C21orf58: variants seen among roughly 807,000 people sequenced by gnomAD.
C21orf58 encodes uncharacterized protein C21orf58.
Under a neutral mutation model 35.8 loss-of-function variants are expected in C21orf58, and 34 were observed. That is an observed-to-expected ratio of 0.95 (90% CI 0.72 to 1.26). C21orf58 has a LOEUF of 1.26. Ranked by LOEUF, C21orf58 falls within the 50% of genes most tolerant of loss-of-function variation. The pLI, the probability that C21orf58 is intolerant of heterozygous loss-of-function variation, is 0.00. For synonymous variants in C21orf58, 191 were observed against 175.8 expected, an observed-to-expected ratio of 1.09 and a Z score of -0.68; for missense variants, 440 against 414.3, an observed-to-expected ratio of 1.06 and a Z score of -0.54.
chr21:46,308,189 G>A (rs2082509223), intron 6 of C21orf58, among the ~76,000 whole-genome samples: 1 of 152,022 alleles, frequency 6.6e-6, no homozygotes, highest in Admixed American at 6.6e-5. Flanking sequence ...CTGCCCAGGC[G>A]CGGTGGCTCA....
chr21:46,314,376 C>A (rs2082877441), intron 5 of C21orf58, among the ~76,000 whole-genome samples: 1 of 152,190 alleles, frequency 6.6e-6, no homozygotes, highest in Non-Finnish European at 1.5e-5. Context: ...CCGCACCCGG[C>A]CAGTGATAAA....
chr21:46,313,019 T>C, intron 5 of C21orf58: 6 of 985,468 alleles, frequency 6.1e-6, no homozygotes, highest in Non-Finnish European at 7.2e-6. Flanking sequence ...TGAGGCTGCC[T>C]GGCCTTGTCC....
At position 46,301,705 on chromosome 21, in the gene C21orf58, G is replaced by C. The variant is rs558400929; in HGVS notation, c.*294C>G. 24 of 1,168,620 alleles carry C rather than the reference G, an allele frequency of 2.1e-5. No homozygotes were observed. The highest frequency in any genetic ancestry group is 2.2e-5 in the Non-Finnish European group (21 of 947,608). The allele number at this position is 1,168,620 out of a possible 1,614,324, so 72.4% of individuals were successfully genotyped here. The stretch of plus-strand genomic sequence containing the variant: ...GGGATCTGAGGCTCCCAGGTGGGCC[G>C]GCGCCGCCCTACAGGAAAGGAGGGG... On this transcript the variant is annotated 3_prime_UTR_variant, in exon 8 of 8. Coordinates refer to ENST00000291691, the MANE Select transcript of C21orf58 (RefSeq NM_058180.5).
intron 5 of C21orf58, among the ~76,000 whole-genome samples, chr21:46,313,849 CT>C (rs2082850805): frequency 1.3e-5 from 2 of 152,274 alleles, no homozygotes; most frequent in Admixed American, 1.3e-4. Context: ...GCTGCCCTGT[CT>C]AGAAATTCCC....
rs777604862 is a variant in C21orf58 at position 46,318,029 on chromosome 21, G to A, written c.292C>T (p.Leu98=). 1.2e-6 allele frequency: 2 copies of A among 1,613,440 alleles called. No homozygotes were observed. The highest frequency in any genetic ancestry group is 3.3e-5 in the Admixed American group (2 of 60,016). The change falls in exon 2 of 8, where the codon CTG becomes TTG. Residue 98 remains leucine, a synonymous_variant. Coordinates refer to ENST00000291691, the MANE Select transcript of C21orf58 (RefSeq NM_058180.5). ...TGCCTCACCTGTCCCAAGAGCTTCAGCGTCAGTCGGGTCACTTGCTCTGCT... is the reference window on the plus strand; with the variant it reads ...TGCCTCACCTGTCCCAAGAGCTTCAACGTCAGTCGGGTCACTTGCTCTGCT... ...SAAEQVTRLT[L]KLLGQKLEQE...
chr21:46,322,504 C>A, intron 1 of C21orf58, 135 bp downstream of exon 1: 4 of 1,282,476 alleles, frequency 3.1e-6, no homozygotes, highest in African/African-American at 1.5e-5. Flanking sequence ...AAGTGTGATC[C>A]TGTGGGTGCA....
intron 1 of C21orf58, chr21:46,319,001 G>T: frequency 3.5e-6 from 1 of 282,692 alleles, no homozygotes; most frequent in Non-Finnish European, 5.3e-6. Flanking sequence ...CCTCCTCGGT[G>T]CAGCTAACCC....
At chr21:46,307,614 T>G (rs1227583998) in intron 6 of C21orf58, among the ~76,000 whole-genome samples, 1 of 152,158 alleles carries the variant, frequency 6.6e-6, no homozygotes, top group Non-Finnish European at 1.5e-5. Context: ...TGGATCACAA[T>G]AGGAAAGGTA....
intron 1 of C21orf58, chr21:46,318,459 G>A (rs1357313789): frequency 7.1e-7 from 1 of 1,405,444 alleles, no homozygotes; most frequent in South Asian, 1.5e-5. Flanking sequence ...CAGAGGGGCA[G>A]AACCCTCAGA....
rs2082110973 is a variant in C21orf58, at chr21:46,301,620, C to A, written c.*379G>T. 9.7e-7 allele frequency: 1 copy of A among 1,035,400 alleles called. No individual in the cohort carries two copies. Among genetic ancestry groups the A allele is most frequent in the Non-Finnish European group, 1.2e-6 (1 of 863,138 alleles). The allele number at this position is 1,035,400 out of a possible 1,614,324, so 64.1% of individuals were successfully genotyped here. On this transcript the variant is annotated 3_prime_UTR_variant, in exon 8 of 8. Coordinates refer to ENST00000291691, the MANE Select transcript of C21orf58 (RefSeq NM_058180.5). ...TTCTTAAACTCTTTCTGGATGAAAT[C>A]TTTATTTCATCAGGCTGGTGGCGTC...
At chr21:46,314,950 A>G (rs2146077132) in intron 4 of C21orf58, 70 bp from the exon 5 acceptor site, 1 of 1,550,322 alleles carries the variant, frequency 6.5e-7, no homozygotes, top group Non-Finnish European at 8.7e-7. Flanking sequence ...CACCCCCAGC[A>G]TCAGGCTCAG....
At position 46,323,841 on chromosome 21, in the gene C21orf58, C is replaced by T; in HGVS notation, c.-1103G>A. 1 of 366,768 alleles carries T rather than the reference C, an allele frequency of 2.7e-6. No homozygotes were observed. Among genetic ancestry groups the T allele is most frequent in the Admixed American group, 3.9e-5 (1 of 25,536 alleles). The allele number at this position is 366,768 out of a possible 1,614,324, so 22.7% of individuals were successfully genotyped here. On this transcript the variant is annotated 5_prime_UTR_variant, in exon 1 of 8. Coordinates refer to ENST00000291691, the MANE Select transcript of C21orf58 (RefSeq NM_058180.5). Reference sequence around the variant, plus strand: ...TGGTGGACACAAAGCCCAGGGGCCGCCCGCGCGGGACCAGCAGCGCGAACT... The same window carrying T: ...TGGTGGACACAAAGCCCAGGGGCCGTCCGCGCGGGACCAGCAGCGCGAACT...
intron 1 of C21orf58, among the ~76,000 whole-genome samples, chr21:46,321,180 T>TATATATA (rs537931767): frequency 6.6e-6 from 1 of 151,846 alleles, no homozygotes; most frequent in Non-Finnish European, 1.5e-5. Context: ...ATATATATAT[T>TATATATA]TTTTTTGAGA....
chr21:46,304,153 A>G (rs2082311919), intron 6 of C21orf58, among the ~76,000 whole-genome samples: 1 of 145,408 alleles, frequency 6.9e-6, no homozygotes, highest in African/African-American at 2.6e-5. Context: ...TAGCCTCCTG[A>G]GTAGCTGGGA....
chr21:46,315,186 T>C (rs1038854868), intron 4 of C21orf58: 48 of 632,052 alleles, frequency 7.6e-5, no homozygotes, highest in African/African-American at 6.3e-4. Flanking sequence ...CCACCTCCCC[T>C]GCATCTCTGC....
At position 46,311,530 on chromosome 21, in the gene C21orf58, G is replaced by A; in HGVS notation, c.647C>T (p.Pro216Leu). ...QPPATIIQQL[P>L]QQPLIAQIPP... is the part of the protein sequence containing the mutation. The stretch of plus-strand genomic sequence containing the variant: ...AATCTGTGCTATGAGTGGCTGCTGA[G>A]GGAGCTGCTGAATGATGGTGGCAGG... The change falls in exon 6 of 8, where the codon CCT becomes CTT. Residue 216 changes from proline (P) to leucine (L), a missense_variant. Coordinates refer to ENST00000291691, the MANE Select transcript of C21orf58 (RefSeq NM_058180.5). The A allele has an allele frequency of 4.3e-6, 7 of 1,612,142 alleles. No homozygotes were observed. The highest frequency in any genetic ancestry group is 5.9e-6 in the Non-Finnish European group (7 of 1,179,202).
Position 46,322,696 on chromosome 21 carries a change from A to G in C21orf58, c.43T>C (p.Trp15Arg), listed in dbSNP as rs745691080. 6.3e-7 allele frequency: 1 copy of G among 1,579,968 alleles called. No homozygotes were observed. The highest frequency in any genetic ancestry group is 8.6e-7 in the Non-Finnish European group (1 of 1,162,308). Residue 15 changes from tryptophan (W) to arginine (R), a missense_variant, in exon 1 of 8, where the codon TGG becomes CGG. Coordinates refer to ENST00000291691, the MANE Select transcript of C21orf58 (RefSeq NM_058180.5). ...GGAAGTTTCTGGCGGTCGAGCTTCC[A>G]CGGCTTCCTGAGGGAGGTTGCAGGG... ...RLPATSLRKPWKLDRQKLPSP... is the reference protein window; with the variant it reads ...RLPATSLRKPRKLDRQKLPSP...
chr21:46,303,741 A>T (rs1201875457), intron 6 of C21orf58, among the ~76,000 whole-genome samples: 331 of 24,076 alleles, frequency 0.014, 2 homozygotes, highest in Non-Finnish European at 0.023. Context: ...ATATATATAT[A>T]TATATTTTTT....
intron 7 of C21orf58, 55 bp from the exon 8 acceptor site, chr21:46,302,209 A>C (rs1411119344): frequency 1.4e-6 from 2 of 1,425,874 alleles, no homozygotes; most frequent in Non-Finnish European, 1.8e-6. Flanking sequence ...CCCCACCTCC[A>C]CTCCCGCCCT....
Sources: allele counts gnomAD v4.1 joint callset (sites outside exome capture counted in the v4.1 genomes callset), GRCh38; gene constraint gnomAD v4.1.1; transcripts MANE v1.5; gene names NCBI Gene and HGNC (gene_info 2026-07-23, HGNC 2026-07-21).